Variants in VAPB observed in about 807,000 individuals in gnomAD.
VAPB encodes VAMP associated protein B and C.
A neutral mutation model predicts 25.6 loss-of-function variants in VAPB; 7 were observed. The observed-to-expected ratio is 0.27, with a 90% CI of 0.16 to 0.51. The LOEUF is 0.51. Ranked by LOEUF, VAPB falls within the 20% of genes least tolerant of loss-of-function variation. The pLI is 0.97. For missense variants in VAPB, 266 were observed against 301.3 expected (o/e 0.88, Z 0.87); for synonymous variants, 112 against 109.2 (o/e 1.03, Z -0.16).
At chr20:58,419,198 A>G (rs1361182083) in intron 2 of VAPB, among the ~76,000 whole-genome samples, 2 of 152,220 alleles carry the variant, frequency 1.3e-5, no homozygotes, top group Non-Finnish European at 2.9e-5. Flanking sequence ...TGAAATGAGT[A>G]TCTCTCTGGC....
In VAPB at chr20:58,445,906, A is replaced by G. The variant is rs1267663717; in HGVS notation, c.*1671A>G. On this transcript the variant is annotated 3_prime_UTR_variant, in exon 6 of 6. Coordinates refer to ENST00000475243, the MANE Select transcript of VAPB (RefSeq NM_004738.5). ...TTCTGGGCACAGTCCCACTGTGCACAGGTTTGAGAGGACAAGTTCATCAGA... is the reference window on the plus strand; with the variant it reads ...TTCTGGGCACAGTCCCACTGTGCACGGGTTTGAGAGGACAAGTTCATCAGA... 4.4e-6 allele frequency: 2 copies of G among 454,034 alleles called. No homozygotes were observed. Among genetic ancestry groups the G allele is most frequent in the Non-Finnish European group, 4.4e-6 (1 of 226,768 alleles). 28.1% of individuals were successfully genotyped at this position (454,034 alleles called of 1,614,324 possible). A position where few individuals can be genotyped will look rare whatever the true frequency, so the allele number is the denominator to read the frequency against.
chr20:58,407,305 A>G (rs1260244542), intron 1 of VAPB, among the ~76,000 whole-genome samples: 3 of 152,322 alleles, frequency 2.0e-5, no homozygotes, highest in Admixed American at 2.0e-4. Flanking sequence ...GACCACTGCA[A>G]CTTTAAACAT....
chr20:58,389,691 G>C (rs1292693928), intron 1 of VAPB, among the ~76,000 whole-genome samples, 174 bp downstream of exon 1: 1 of 152,132 alleles, frequency 6.6e-6, no homozygotes, highest in African/African-American at 2.4e-5. Context: ...AGAACTGCCC[G>C]GAGTGGCCGG....
chr20:58,432,713 G>T (rs1447841517), intron 2 of VAPB, among the ~76,000 whole-genome samples: 1 of 152,126 alleles, frequency 6.6e-6, no homozygotes, highest in Non-Finnish European at 1.5e-5. Context: ...AATCTTAGGG[G>T]CAGGAAAAAA....
In VAPB at chr20:58,446,282, T is replaced by G. The variant is rs1399869151; in HGVS notation, c.*2047T>G. On this transcript the variant is annotated 3_prime_UTR_variant, in exon 6 of 6. Transcript: ENST00000475243. ...GCATGTGCCTTCTGCCACCTGACTT[T>G]CCGTGAGGGGACTAAAATTTACTAA... 1.5e-5 allele frequency: 7 copies of G among 453,962 alleles called. No homozygotes were observed. The highest frequency in any genetic ancestry group is 3.1e-5 in the Non-Finnish European group (7 of 226,790). The allele number at this position is 453,962 out of a possible 1,614,324, so 28.1% of individuals were successfully genotyped here. A position where few individuals can be genotyped will look rare whatever the true frequency, so the allele number is the denominator to read the frequency against.
intron 1 of VAPB, among the ~76,000 whole-genome samples, chr20:58,403,905 T>A (rs1487136128): frequency 6.6e-6 from 1 of 152,218 alleles, no homozygotes; most frequent in African/African-American, 2.4e-5. Flanking sequence ...GTTGGCAAGC[T>A]GGAAATCCTA....
At chr20:58,431,554 GTT>G (rs922400100) in intron 2 of VAPB, 3 of 131,184 alleles carry the variant, frequency 2.3e-5, no homozygotes, top group Non-Finnish European at 5.0e-5. Context: ...CCCTTATCTT[GTT>G]TGTTTTTTTT....
intron 5 of VAPB, among the ~76,000 whole-genome samples, chr20:58,441,947 C>G (rs1989171000): frequency 6.6e-6 from 1 of 152,110 alleles, no homozygotes; most frequent in Non-Finnish European, 1.5e-5. Context: ...AAAATCTGAG[C>G]TTCTAGCTTC....
At chr20:58,436,253 T>G (rs1296247282) in intron 3 of VAPB, among the ~76,000 whole-genome samples, 1 of 152,030 alleles carries the variant, frequency 6.6e-6, no homozygotes, top group African/African-American at 2.4e-5. Flanking sequence ...GAAAAAAATT[T>G]AAAGTGACCC....
intron 1 of VAPB, 31 bp from the exon 2 acceptor site, chr20:58,418,180 A>G (rs1568709153): frequency 1.2e-6 from 2 of 1,613,780 alleles, no homozygotes; most frequent in East Asian, 2.2e-5. Context: ...TCCTCATGAG[A>G]CCCCCAATCA....
At chr20:58,413,723 C>T (rs1022291909) in intron 1 of VAPB, among the ~76,000 whole-genome samples, 44 of 151,912 alleles carry the variant, frequency 2.9e-4, no homozygotes, top group African/African-American at 1.0e-3. Flanking sequence ...TAGGGGCGGC[C>T]GGGCAGAGGC....
chr20:58,418,219 A>G lies in VAPB; in HGVS notation c.67A>G (p.Thr23Ala), dbSNP rs1188496875. 4 of 1,614,064 alleles carry G rather than the reference A, an allele frequency of 2.5e-6. No individual in the cohort carries two copies. The South Asian group carries it at 4.4e-5, about 18-fold the overall frequency. ...TCTGTCTCATTCTACAGGTCCCTTC[A>G]CCGATGTTGTCACCACCAACCTAAA... ...QHELKFRGPF[T>A]DVVTTNLKLG... Residue 23 changes from threonine (T) to alanine (A), a missense_variant, in exon 2 of 6, where the codon ACC (threonine) becomes GCC (alanine). Transcript: ENST00000475243.
chr20:58,395,197 G>A (rs1987921564), intron 1 of VAPB, among the ~76,000 whole-genome samples: 3 of 149,836 alleles, frequency 2.0e-5, no homozygotes, highest in Admixed American at 1.3e-4. Flanking sequence ...CTGTTGCCAG[G>A]CTGGAGTGCA....
intron 1 of VAPB, among the ~76,000 whole-genome samples, chr20:58,404,935 T>C (rs555697819): frequency 6.6e-6 from 1 of 152,084 alleles, no homozygotes; most frequent in Non-Finnish European, 1.5e-5. Context: ...GTGCCAAGCA[T>C]TGCTGAGAGG....
intron 1 of VAPB, among the ~76,000 whole-genome samples, chr20:58,389,801 C>T (rs902855940): frequency 4.6e-5 from 7 of 152,206 alleles, no homozygotes; most frequent in South Asian, 4.1e-4. Flanking sequence ...TTGTAACTTA[C>T]CAGTTTGTGA....
intron 3 of VAPB, among the ~76,000 whole-genome samples, chr20:58,437,051 G>A (rs1989065650): frequency 8.3e-6 from 1 of 120,890 alleles, no homozygotes; most frequent in South Asian, 2.7e-4. Context: ...CAAGGCTGAA[G>A]TGCAGTGGTG....
At chr20:58,418,489 CCCACCCCACCCCACCCCACAACCCT>C (rs1988599841) in intron 2 of VAPB, 126 bp downstream of exon 2, 1 of 1,133,030 alleles carries the variant, frequency 8.8e-7, no homozygotes, top group Non-Finnish European at 1.2e-6. Flanking sequence ...CCACCCCCAC[CCCACCCCACCCCACCCCACAACCCT>C]CCACCCCGTG....
intron 1 of VAPB, among the ~76,000 whole-genome samples, chr20:58,397,684 A>G (rs1395631372): frequency 2.0e-5 from 3 of 152,176 alleles, no homozygotes; most frequent in East Asian, 1.9e-4. Context: ...TTAAGATAGG[A>G]ATGTCTAAAA....
intron 3 of VAPB, among the ~76,000 whole-genome samples, chr20:58,435,218 C>A (rs1187824089): frequency 6.6e-6 from 1 of 151,452 alleles, no homozygotes; most frequent in East Asian, 1.9e-4. Context: ...TAACTTTTCT[C>A]TAATTTTGAT....
Sources: gnomAD v4.1 joint callset for allele counts (sites outside exome capture counted in the v4.1 genomes callset) on GRCh38, gnomAD v4.1.1 for gene constraint, MANE v1.5 for transcripts, NCBI Gene and HGNC (gene_info 2026-07-23, HGNC 2026-07-21) for gene names.